SUDS3: variants seen among roughly 807,000 people sequenced by gnomAD.
The protein encoded by SUDS3 is SIN3A corepressor complex component SDS3, also known as sin3 histone deacetylase corepressor complex component SDS3.
In SUDS3, 23 loss-of-function variants were observed where a neutral mutation model predicts 53.5. The observed-to-expected ratio is 0.43, with a 90% CI of 0.31 to 0.61. The LOEUF (loss-of-function observed/expected upper bound fraction) is 0.61, where lower values mean the gene tolerates loss of function less well. Among genes scored for constraint, SUDS3 ranks in the 20% least tolerant of loss-of-function variants. The pLI, the probability that SUDS3 is intolerant of heterozygous loss-of-function variation, is 0.10. For missense variants in SUDS3, 291 were observed against 405.9 expected (o/e 0.72, Z 2.43); for synonymous variants, 150 against 148.5 (o/e 1.01, Z -0.08).
At position 118,376,759 on chromosome 12, in the gene SUDS3, A is replaced by G; in HGVS notation, c.68A>G (p.Tyr23Cys). The G allele has an allele frequency of 6.5e-7, 1 of 1,547,600 alleles. No homozygotes were observed. Among genetic ancestry groups the G allele is most frequent in the Non-Finnish European group, 8.7e-7 (1 of 1,152,142 alleles). The change falls in exon 1 of 12, where the codon TAC (tyrosine) becomes TGC (cysteine). Residue 23 changes from tyrosine to cysteine, a missense_variant. Tyr to Cys is a radical substitution (Grantham distance 194). Transcript: ENST00000543473. The stretch of plus-strand genomic sequence containing the variant: ...GGAGCGCCGCCGGCCCCCGAGTACT[A>G]CCCCGAGGAGGATGAAGAGCTGGAG... ...QAGAPPAPEY[Y>C]PEEDEELESA...
At chr12:118,399,120 G>A (rs559038407) in intron 6 of SUDS3, among the ~76,000 whole-genome samples, 1 of 152,264 alleles carries the variant, frequency 6.6e-6, no homozygotes, top group East Asian at 1.9e-4. Context: ...GCTTGCACAC[G>A]GTGTAAGCGT....
chr12:118,401,140 TTATC>T (rs1239546722), intron 7 of SUDS3, among the ~76,000 whole-genome samples: 9 of 152,368 alleles, frequency 5.9e-5, no homozygotes, highest in African/African-American at 1.9e-4. Flanking sequence ...TGTACCTCTG[TTATC>T]TATGTCCATA....
chr12:118,411,719 T>C (rs985065942), intron 11 of SUDS3, among the ~76,000 whole-genome samples: 5 of 152,054 alleles, frequency 3.3e-5, no homozygotes, highest in Admixed American at 1.3e-4. Context: ...GTCAGGCTGG[T>C]CTTGAACTCC....
rs541115358 is a variant in SUDS3, at chr12:118,383,549, G to T, written c.213-463G>T. Among the ~76,000 whole-genome samples the T allele has an allele frequency of 3.9e-5, 6 of 152,172 alleles. No individual in the cohort carries two copies. The East Asian group carries it at 9.6e-4, about 24-fold the overall frequency. On this transcript the variant is annotated intron_variant, in intron 2 of 11. Coordinates refer to ENST00000543473, the MANE Select transcript of SUDS3 (RefSeq NM_022491.3). ...TAGTGCTTTAAAAAATGACATGAAG[G>T]TTTATTGACTTAGTTCTTACACTGC...
intron 6 of SUDS3, among the ~76,000 whole-genome samples, chr12:118,392,896 G>A (rs922107309): frequency 6.6e-6 from 1 of 152,224 alleles, no homozygotes; most frequent in East Asian, 1.9e-4. Context: ...CAGTTTTACA[G>A]CCAGAATCTT....
chr12:118,398,128 C>T (rs2141378188), intron 6 of SUDS3, among the ~76,000 whole-genome samples: 1 of 152,146 alleles, frequency 6.6e-6, no homozygotes, highest in Admixed American at 6.5e-5. Flanking sequence ...TTTTTTCCTG[C>T]CTGAAAATAT....
intron 9 of SUDS3, chr12:118,402,757 T>A (rs1020279502): frequency 6.6e-6 from 1 of 150,510 alleles, no homozygotes; most frequent in African/African-American, 2.5e-5. Context: ...GTTCTTTAAG[T>A]GATTCCTTTT....
intron 2 of SUDS3, among the ~76,000 whole-genome samples, chr12:118,380,460 CA>C (rs769802793): frequency 6.6e-6 from 1 of 152,140 alleles, no homozygotes; most frequent in Non-Finnish European, 1.5e-5. Context: ...TGAAAAAATC[CA>C]AAACACTTCT....
At chr12:118,394,422 G>C (rs2046195874) in intron 6 of SUDS3, among the ~76,000 whole-genome samples, 1 of 152,160 alleles carries the variant, frequency 6.6e-6, no homozygotes. Context: ...CCCTCAGTGA[G>C]ATAGATAGTG....
intron 4 of SUDS3, among the ~76,000 whole-genome samples, chr12:118,388,014 G>A (rs2046130729): frequency 6.6e-6 from 1 of 152,250 alleles, no homozygotes. Flanking sequence ...CCACCTCTAA[G>A]TGCTAATTGT....
chr12:118,406,751 G>A lies in SUDS3; in HGVS notation c.803+3234G>A, dbSNP rs114738092. 9.8e-3 allele frequency among the ~76,000 whole-genome samples: 1,484 copies of A among 151,078 alleles called. 27 individuals are homozygous for A. The highest frequency in any genetic ancestry group is 0.033 in the African/African-American group (1,359 of 41,230). On this transcript the variant is annotated intron_variant, in intron 10 of 11. Transcript: ENST00000543473. ...TTTACTACCCTGTTGATGTTGCTTC[G>A]TAGCACATTTTATATCTAAACATAT...
Position 118,384,043 on chromosome 12 carries a change from A to G in SUDS3, c.244A>G (p.Arg82Gly), listed in dbSNP as rs748517926. Residue 82 changes from arginine (R) to glycine (G), a missense_variant, in exon 3 of 12, where the codon AGG becomes GGG. By Grantham distance (125) the Arg-to-Gly change is moderately radical. Transcript: ENST00000543473. ...TCAGGACAAACTGGCTTCTCTCAAGAGGCAGTTGCAACAACTGCAAGAAGG... is the reference window on the plus strand; with the variant it reads ...TCAGGACAAACTGGCTTCTCTCAAGGGGCAGTTGCAACAACTGCAAGAAGG... Reference protein sequence around the residue: ...MYQDKLASLKRQLQQLQEGTL... With the variant: ...MYQDKLASLKGQLQQLQEGTL... The G allele has an allele frequency of 6.2e-7, 1 of 1,613,644 alleles. No individual in the cohort carries two copies. The highest frequency in any genetic ancestry group is 1.1e-5 in the South Asian group (1 of 91,056).
chr12:118,383,858 A>C (rs2046089737), intron 2 of SUDS3, among the ~76,000 whole-genome samples, 154 bp from the exon 3 acceptor site: 1 of 152,214 alleles, frequency 6.6e-6, no homozygotes, highest in East Asian at 1.9e-4. Context: ...CTGCTGGTGC[A>C]TTTTAAGCCA....
chr12:118,412,605 C>G (rs887459357), intron 11 of SUDS3, among the ~76,000 whole-genome samples: 6 of 152,154 alleles, frequency 3.9e-5, no homozygotes, highest in Admixed American at 3.9e-4. Flanking sequence ...AGAGGTGTCA[C>G]GATTTCATGG....
rs547568467 is a variant in SUDS3 at position 118,391,586 on chromosome 12, T to C, written c.517+304T>C. On this transcript the variant is annotated intron_variant, in intron 6 of 11. Coordinates refer to ENST00000543473, the MANE Select transcript of SUDS3 (RefSeq NM_022491.3). ...AGATGTTCAATAGTTGCTAGACCTTTAATAGTAATTGCAAGCTCTGGCTTA... is the reference window on the plus strand; with the variant it reads ...AGATGTTCAATAGTTGCTAGACCTTCAATAGTAATTGCAAGCTCTGGCTTA... Among the ~76,000 whole-genome samples the C allele has an allele frequency of 2.6e-5, 4 of 152,356 alleles. No homozygotes were observed. In the East Asian group the frequency reaches 7.7e-4, roughly 29 times the overall value.
At chr12:118,380,567 A>G (rs1163323437) in intron 2 of SUDS3, among the ~76,000 whole-genome samples, 3 of 152,178 alleles carry the variant, frequency 2.0e-5, no homozygotes, top group African/African-American at 7.2e-5. Context: ...TATGTTTACA[A>G]TTTCTCCACT....
chr12:118,397,005 T>C (rs1417452910), intron 6 of SUDS3, among the ~76,000 whole-genome samples: 3 of 152,214 alleles, frequency 2.0e-5, no homozygotes, highest in Non-Finnish European at 4.4e-5. Context: ...GTTATATGCC[T>C]AGTCTTGTTG....
intron 10 of SUDS3, among the ~76,000 whole-genome samples, chr12:118,405,708 C>G (rs1308394029): frequency 2.0e-5 from 3 of 152,192 alleles, no homozygotes; most frequent in Non-Finnish European, 2.9e-5. Flanking sequence ...TCTCCCTCTT[C>G]CCCAATGACA....
Position 118,406,485 on chromosome 12 carries a change from T to C in SUDS3, c.803+2968T>C, listed in dbSNP as rs541432100. Among the ~76,000 whole-genome samples, 29 of 152,308 alleles carry C rather than the reference T, an allele frequency of 1.9e-4. 1 individual carries two copies. The South Asian group carries it at 5.8e-3, about 30-fold the overall frequency. ...TTTTGTGTCCACCTTCTTAAGAAAT[T>C]GCTTTTCGAAAATAGTACAGTAGTG... On this transcript the variant is annotated intron_variant, in intron 10 of 11. Transcript: ENST00000543473.
Sources: allele counts gnomAD v4.1 joint callset (sites outside exome capture counted in the v4.1 genomes callset), GRCh38; gene constraint gnomAD v4.1.1; transcripts MANE v1.5; gene names NCBI Gene and HGNC (gene_info 2026-07-23, HGNC 2026-07-21).